Variants in DDX52 observed in about 807,000 individuals in gnomAD.
The protein encoded by DDX52 is DExD-box helicase 52.
Under a neutral mutation model 76.1 loss-of-function variants are expected in DDX52, and 59 were observed. That is an observed-to-expected ratio of 0.78 (90% CI 0.63 to 0.96). DDX52 has a LOEUF of 0.96. DDX52 is among the 40% of genes least tolerant of loss of function. The pLI, the probability that DDX52 is intolerant of heterozygous loss-of-function variation, is 0.00. For synonymous variants in DDX52, 231 were observed against 244.1 expected (o/e 0.95, Z 0.50); for missense variants, 707 against 703.9 (o/e 1.00, Z -0.05).
At chr17:37,625,406 A>G (rs2030315054) in intron 8 of DDX52, among the ~76,000 whole-genome samples, 1 of 152,226 alleles carries the variant, frequency 6.6e-6, no homozygotes, top group African/African-American at 2.4e-5. Context: ...ATATAGCTAC[A>G]GTCTTCCTAC....
intron 2 of DDX52, among the ~76,000 whole-genome samples, chr17:37,636,104 A>G (rs1352710461): frequency 2.0e-5 from 3 of 152,160 alleles, no homozygotes; most frequent in East Asian, 1.9e-4. Context: ...TTTAGTTTCG[A>G]TAAGTCCAAT....
chr17:37,624,540 T>C, intron 8 of DDX52, 106 bp from the exon 9 acceptor site: 1 of 729,310 alleles, frequency 1.4e-6, no homozygotes, highest in Non-Finnish European at 2.1e-6. Context: ...AAAATCAATT[T>C]TTCCACTGTC....
chr17:37,632,201 AT>A lies in DDX52; in HGVS notation c.514del (p.Ile172SerfsTer10). 2 of 1,613,878 alleles carry A rather than the reference AT, an allele frequency of 1.2e-6. No homozygotes were observed. Among genetic ancestry groups the A allele is most frequent in the Non-Finnish European group, 1.7e-6 (2 of 1,179,988 alleles). On this transcript the variant is annotated frameshift_variant, in exon 4 of 15. Coordinates refer to ENST00000617633, the MANE Select transcript of DDX52 (RefSeq NM_007010.5). LOFTEE classifies it high-confidence loss of function. ...TFQQLDQEYK[I>X]NSRLLQNILD... is the part of the protein sequence containing the mutation. ...AATGTTCTGAAGTAGTCGAGAATTG[AT>A]TTTATATTCCTGGTCAAGTTGCTGA... is the stretch of plus-strand genomic sequence containing the variant.
intron 14 of DDX52, among the ~76,000 whole-genome samples, chr17:37,616,824 C>T (rs1442689262): frequency 6.6e-6 from 1 of 152,164 alleles, no homozygotes; most frequent in Non-Finnish European, 1.5e-5. Flanking sequence ...TTTTGAGACA[C>T]TATATATACA....
intron 7 of DDX52, 116 bp from the exon 8 acceptor site, chr17:37,626,214 C>T (rs767522787): frequency 6.7e-5 from 73 of 1,091,756 alleles, no homozygotes; most frequent in Non-Finnish European, 9.0e-5. Flanking sequence ...CTTCTCAGAT[C>T]CACTTTATCA....
chr17:37,634,755 G>A (rs1240230386), intron 2 of DDX52, among the ~76,000 whole-genome samples: 5 of 152,096 alleles, frequency 3.3e-5, no homozygotes, highest in Admixed American at 2.6e-4. Context: ...AATTGTTTTG[G>A]TGACTAGATC....
chr17:37,633,460 G>A (rs1458915072), intron 2 of DDX52, 42 bp from the exon 3 acceptor site: 2 of 1,451,220 alleles, frequency 1.4e-6, no homozygotes, highest in East Asian at 2.6e-5. Flanking sequence ...TAACAGTCTA[G>A]GCAACATAGT....
intron 3 of DDX52, 93 bp from the exon 4 acceptor site, chr17:37,632,391 C>T: frequency 1.4e-6 from 2 of 1,420,756 alleles, no homozygotes; most frequent in Non-Finnish European, 1.9e-6. Context: ...CTGGGATAAC[C>T]TTTAGCAGCA....
chr17:37,632,238 T>C lies in DDX52; in HGVS notation c.478A>G (p.Ile160Val), dbSNP rs778891484. 9.3e-6 allele frequency: 15 copies of C among 1,613,932 alleles called. No individual in the cohort carries two copies. Among genetic ancestry groups the C allele is most frequent in the African/African-American group, 1.3e-5 (1 of 74,878 alleles). The part of the protein sequence containing the change: ...HVQGTDLPDP[I>V]ATFQQLDQEY... ...TGGTCAAGTTGCTGAAATGTAGCAA[T>C]TGGGTCAGGAAGATCGGTTCCTTGG... The change falls in exon 4 of 15, where the codon ATT becomes GTT. Residue 160 changes from isoleucine to valine, a missense_variant. Coordinates refer to ENST00000617633, the MANE Select transcript of DDX52 (RefSeq NM_007010.5).
chr17:37,618,481 A>ATTT, intron 13 of DDX52, 97 bp from the exon 14 acceptor site: 6 of 855,698 alleles, frequency 7.0e-6, no homozygotes, highest in African/African-American at 1.8e-5. Flanking sequence ...CACAAAATTC[A>ATTT]TTTTTTTTTT....
At chr17:37,637,276 C>T (rs768580431) in intron 2 of DDX52, among the ~76,000 whole-genome samples, 2 of 152,006 alleles carry the variant, frequency 1.3e-5, no homozygotes, top group Non-Finnish European at 2.9e-5. Context: ...AGATTACAGG[C>T]ATGCGCCACC....
intron 2 of DDX52, 149 bp from the exon 3 acceptor site, chr17:37,633,567 G>C (rs2030787483): frequency 2.2e-6 from 1 of 451,834 alleles, no homozygotes; most frequent in South Asian, 6.3e-5. Context: ...GAGTGGGGAG[G>C]ATCATTTGAG....
intron 12 of DDX52, 92 bp downstream of exon 12, chr17:37,620,781 T>G: frequency 7.9e-7 from 1 of 1,263,326 alleles, no homozygotes; most frequent in South Asian, 1.6e-5. Flanking sequence ...ATTTGGGACA[T>G]AGCCATTTTG....
intron 3 of DDX52, among the ~76,000 whole-genome samples, chr17:37,632,608 C>G (rs1052765685): frequency 1.3e-5 from 2 of 152,146 alleles, no homozygotes; most frequent in African/African-American, 4.8e-5. Flanking sequence ...GGTTAACATA[C>G]AAGTATCATT....
At chr17:37,621,045 G>A in intron 11 of DDX52, 82 bp downstream of exon 11, 1 of 1,554,126 alleles carries the variant, frequency 6.4e-7, no homozygotes, top group Non-Finnish European at 8.7e-7. Context: ...GCACTAAGAA[G>A]TGAGCATATG....
intron 12 of DDX52, 62 bp downstream of exon 12, chr17:37,620,811 T>C: frequency 1.4e-6 from 2 of 1,441,616 alleles, no homozygotes; most frequent in Non-Finnish European, 9.3e-7. Context: ...CTTAATTGAA[T>C]ATACATATAA....
intron 3 of DDX52, among the ~76,000 whole-genome samples, chr17:37,632,889 AT>A: frequency 6.6e-6 from 1 of 152,344 alleles, no homozygotes; most frequent in South Asian, 2.1e-4. Context: ...AAGTCATAAA[AT>A]ACCTTTCTTA....
At chr17:37,639,306 A>G in intron 2 of DDX52, 1 of 755,144 alleles carries the variant, frequency 1.3e-6, no homozygotes, top group Non-Finnish European at 1.6e-6. Flanking sequence ...ACAAAAAGAG[A>G]AAAGTCTCAT....
At chr17:37,635,794 T>C (rs2030897648) in intron 2 of DDX52, among the ~76,000 whole-genome samples, 1 of 152,240 alleles carries the variant, frequency 6.6e-6, no homozygotes, top group Non-Finnish European at 1.5e-5. Flanking sequence ...TTTTCCAAAG[T>C]GGTTGTACCA....
Sources: allele counts gnomAD v4.1 joint callset (sites outside exome capture counted in the v4.1 genomes callset), GRCh38; gene constraint gnomAD v4.1.1; transcripts MANE v1.5; gene names NCBI Gene and HGNC (gene_info 2026-07-23, HGNC 2026-07-21).